MRPS10: variants seen among roughly 807,000 people sequenced by gnomAD.
MRPS10 encodes the protein mitochondrial ribosomal protein S10.
Under a neutral mutation model 27.5 loss-of-function variants are expected in MRPS10, and 23 were observed. The ratio of observed to expected loss-of-function variants is 0.84; its 90% CI spans 0.60 to 1.18. MRPS10 has a LOEUF of 1.18. MRPS10 is among the 50% of genes most tolerant of loss of function. The pLI is 0.00. For synonymous variants in MRPS10, 88 were observed against 84.2 expected, an observed-to-expected ratio of 1.04 and a Z score of -0.25; for missense variants, 237 against 240.1, an observed-to-expected ratio of 0.99 and a Z score of 0.09.
At chr6:42,212,746 G>A (rs1366040191) in intron 3 of MRPS10, among the ~76,000 whole-genome samples, 1 of 152,176 alleles carries the variant, frequency 6.6e-6, no homozygotes. Flanking sequence ...TTACTAGCCA[G>A]AAAGCTAGAT....
intron 1 of MRPS10, 109 bp downstream of exon 1, chr6:42,217,693 G>T: frequency 8.8e-7 from 1 of 1,130,846 alleles, no homozygotes; most frequent in East Asian, 2.5e-5. Context: ...GGCGCGAGGT[G>T]AGGGATAAAT....
At chr6:42,210,726 T>C (rs996965482) in intron 4 of MRPS10, 130 bp from the exon 5 acceptor site, 1 of 1,314,578 alleles carries the variant, frequency 7.6e-7, no homozygotes, top group Non-Finnish European at 1.0e-6. Context: ...TTGCCAAAAC[T>C]GTCATCTGGA....
intron 6 of MRPS10, 78 bp downstream of exon 6, chr6:42,208,780 G>T: frequency 1.0e-6 from 1 of 993,486 alleles, no homozygotes; most frequent in Non-Finnish European, 1.5e-6. Flanking sequence ...GCCAGGACCA[G>T]GCTGCAATGT....
In MRPS10 at chr6:42,210,550, C is replaced by A. The variant is rs776026536; in HGVS notation, c.370G>T (p.Val124Leu). Residue 124 changes from valine (V) to leucine (L), a missense_variant, in exon 5 of 7, where the codon GTG becomes TTG. Val to Leu is a conservative substitution (Grantham distance 32). Coordinates refer to ENST00000053468, the MANE Select transcript of MRPS10 (RefSeq NM_018141.4). The part of the protein sequence containing the change: ...KIERFTLLQS[V>L]HIYKKHRVQY... ...ACTCTGTGCTTCTTGTAAATATGCA[C>A]TGATTGGAGAAGAGTAAATCGCTCT... 1.3e-6 allele frequency: 2 copies of A among 1,539,124 alleles called. No homozygotes were observed. The highest frequency in any genetic ancestry group is 1.8e-6 in the Non-Finnish European group (2 of 1,129,584).
rs542000299 is a variant in MRPS10 at position 42,213,986 on chromosome 6, G to C, written c.186+134C>G. 20 of 602,872 alleles carry C rather than the reference G, an allele frequency of 3.3e-5. No homozygotes were observed. In the Middle Eastern group the frequency reaches 1.8e-3, roughly 55 times the overall value. 37.3% of individuals were successfully genotyped at this position (602,872 alleles called of 1,614,324 possible). ...TCCAGGGAGTTAAGAGAATATATGC[G>C]TTGTGCATTTGCCAGTATTCTAGGA... On this transcript the variant is annotated intron_variant, in intron 3 of 6. Coordinates refer to ENST00000053468, the MANE Select transcript of MRPS10 (RefSeq NM_018141.4).
rs147566812 is a variant in MRPS10 at position 42,217,126 on chromosome 6, T to C, written c.48+676A>G. Among the ~76,000 whole-genome samples the C allele has an allele frequency of 2.6e-4, 40 of 152,370 alleles. No homozygotes were observed. The East Asian group carries it at 5.2e-3, about 20-fold the overall frequency. Reference sequence around the variant, plus strand: ...TCAGTTTGTTCAGAAAATATATTTTTCATAAAGTATTAGTTGTAACATGTA... The same window carrying C: ...TCAGTTTGTTCAGAAAATATATTTTCCATAAAGTATTAGTTGTAACATGTA... On this transcript the variant is annotated intron_variant, in intron 1 of 6. Transcript: ENST00000053468.
intron 1 of MRPS10, among the ~76,000 whole-genome samples, chr6:42,216,266 C>T (rs1474183924): frequency 6.6e-6 from 1 of 151,112 alleles, no homozygotes; most frequent in Admixed American, 6.6e-5. Flanking sequence ...TCGTGATCCG[C>T]CCACCTCGGC....
Position 42,217,796 on chromosome 6 carries a change from C to G in MRPS10, c.48+6G>C. 6.2e-7 allele frequency: 1 copy of G among 1,614,128 alleles called. No individual in the cohort carries two copies. Among genetic ancestry groups the G allele is most frequent in the South Asian group, 1.1e-5 (1 of 91,082 alleles). On this transcript the variant is annotated splice_donor_region_variant and intron_variant, in intron 1 of 6. Transcript: ENST00000053468. ...GCCCTCCTAGTCTCCCTAGCCAATCCAGTACCTGCCAGAGGCGCCGGCACA... is the reference window on the plus strand; with the variant it reads ...GCCCTCCTAGTCTCCCTAGCCAATCGAGTACCTGCCAGAGGCGCCGGCACA...
chr6:42,208,813 C>T (rs1431902632), intron 6 of MRPS10, 45 bp downstream of exon 6: 1 of 1,284,076 alleles, frequency 7.8e-7, no homozygotes, highest in Admixed American at 1.9e-5. Context: ...ATACAGATAC[C>T]ACTCCCCACC....
chr6:42,216,359 T>TGAGAGAGAGAGAGAGAGAGAGAGAGA (rs373981686), intron 1 of MRPS10, among the ~76,000 whole-genome samples: 13 of 58,226 alleles, frequency 2.2e-4, no homozygotes, highest in Non-Finnish European at 4.2e-4. Context: ...TTGTATTTCT[T>TGAGAGAGAGAGAGAGAGAGAGAGAGA]GAGAGAGAGA....
intron 1 of MRPS10, among the ~76,000 whole-genome samples, chr6:42,216,835 G>T (rs928120140): frequency 2.6e-5 from 4 of 152,028 alleles, no homozygotes; most frequent in African/African-American, 9.7e-5. Context: ...AAACAAAAAC[G>T]GTGGTCTCAA....
At chr6:42,211,667 C>A (rs1300936858) in intron 4 of MRPS10, 114 bp downstream of exon 4, 5 of 931,808 alleles carry the variant, frequency 5.4e-6, no homozygotes, top group Non-Finnish European at 7.5e-6. Context: ...GAGCGAGACT[C>A]TGTCTCAAAA....
intron 1 of MRPS10, among the ~76,000 whole-genome samples, chr6:42,215,427 T>C (rs1280303226): frequency 1.3e-5 from 2 of 150,134 alleles, no homozygotes; most frequent in Admixed American, 6.6e-5. Context: ...CCTAAGTACG[T>C]TTTTGTTTGT....
At chr6:42,209,973 A>ATT (rs1209732639) in intron 5 of MRPS10, among the ~76,000 whole-genome samples, 2 of 152,128 alleles carry the variant, frequency 1.3e-5, no homozygotes, top group Non-Finnish European at 2.9e-5. Context: ...TATTATTCCC[A>ATT]TTTTATAGAT....
chr6:42,214,178 T>G lies in MRPS10; in HGVS notation c.128A>C (p.Lys43Thr). 6.2e-7 allele frequency: 1 copy of G among 1,613,482 alleles called. No homozygotes were observed. Among genetic ancestry groups the G allele is most frequent in the Non-Finnish European group, 8.5e-7 (1 of 1,179,578 alleles). The change falls in exon 3 of 7, where the codon AAG becomes ACG. Residue 43 changes from lysine (K) to threonine (T), a missense_variant. By Grantham distance (78) the Lys-to-Thr change is moderately conservative. This residue lies in a region of MRPS10 where 164 missense variants were observed against 137.8 expected (regional missense o/e 1.19). Coordinates refer to ENST00000053468, the MANE Select transcript of MRPS10 (RefSeq NM_018141.4). ...GTGTAGGTTTGAAAACTGTACCCACTTCATATTGGTACTGCTATGTGTGGG... is the reference window on the plus strand; with the variant it reads ...GTGTAGGTTTGAAAACTGTACCCACGTCATATTGGTACTGCTATGTGTGGG... ...NGGLLLSTNMKWVQFSNLHVD... is the reference protein window; with the variant it reads ...NGGLLLSTNMTWVQFSNLHVD...
chr6:42,213,474 A>G (rs192092974), intron 3 of MRPS10, among the ~76,000 whole-genome samples: 23 of 152,266 alleles, frequency 1.5e-4, no homozygotes, highest in Admixed American at 1.0e-3. Flanking sequence ...TAAATATCCA[A>G]TATCTATTAA....
chr6:42,213,978 ATATATGCGTTG>A (rs772820122), intron 3 of MRPS10, 131 bp downstream of exon 3: 15 of 579,848 alleles, frequency 2.6e-5, no homozygotes, highest in African/African-American at 3.8e-5. Context: ...AGTTAAGAGA[ATATATGCGTTG>A]TGCATTTGCC....
At chr6:42,212,205 C>T (rs1768800487) in intron 3 of MRPS10, among the ~76,000 whole-genome samples, 3 of 152,120 alleles carry the variant, frequency 2.0e-5, no homozygotes, top group Admixed American at 2.0e-4. Context: ...GCTTCAAATT[C>T]ACAATGAAAA....
Position 42,211,882 on chromosome 6 carries a change from C to G in MRPS10, c.222G>C (p.Lys74Asn). The G allele has an allele frequency of 6.2e-7, 1 of 1,613,938 alleles. No homozygotes were observed. Among genetic ancestry groups the G allele is most frequent in the South Asian group, 1.1e-5 (1 of 91,044 alleles). Residue 74 changes from lysine (K) to asparagine (N), a missense_variant, in exon 4 of 7, where the codon AAG (lysine) becomes AAC (asparagine). Lys to Asn is a moderately conservative substitution (Grantham distance 94). Transcript: ENST00000053468. ...TISDEPDILY[K>N]RLSVLVKGHD... is the part of the protein sequence containing the mutation. ...GACCTTTCACCAAAACCGAGAGGCG[C>G]TTATATAATATGTCTGGTTCATCAG... is the stretch of plus-strand genomic sequence containing the variant.
Sources: gnomAD v4.1 joint callset for allele counts (sites outside exome capture counted in the v4.1 genomes callset) on GRCh38, gnomAD v4.1.1 for gene constraint, gnomAD v4.1.1 regional missense constraint, MANE v1.5 for transcripts, NCBI Gene and HGNC (gene_info 2026-07-23, HGNC 2026-07-21) for gene names.